USO1: variants seen among roughly 807,000 people sequenced by gnomAD.
USO1 encodes general vesicular transport factor p115.
USO1 carries 57 observed loss-of-function variants against 124.5 expected under a neutral mutation model. The observed-to-expected ratio is 0.46, with a 90% CI of 0.37 to 0.57. The LOEUF (loss-of-function observed/expected upper bound fraction) is 0.57, where lower values mean the gene tolerates loss of function less well. Among genes scored for constraint, USO1 ranks in the 20% least tolerant of loss-of-function variants. The pLI, the probability that USO1 is intolerant of heterozygous loss-of-function variation, is 0.00. For synonymous variants in USO1, 369 were observed against 362.8 expected (o/e 1.02, Z -0.19); for missense variants, 900 against 1,040.6 (o/e 0.86, Z 1.86).
intron 4 of USO1, among the ~76,000 whole-genome samples, chr4:75,763,322 A>G (rs1721676310): frequency 6.6e-6 from 1 of 152,196 alleles, no homozygotes; most frequent in Non-Finnish European, 1.5e-5. Flanking sequence ...ATTCAGTAGA[A>G]TCTATACTTC....
chr4:75,744,168 AGTTT>A (rs1721054930), intron 1 of USO1, among the ~76,000 whole-genome samples: 1 of 152,144 alleles, frequency 6.6e-6, no homozygotes, highest in Non-Finnish European at 1.5e-5. Flanking sequence ...TTCTGAAGTT[AGTTT>A]ATTATAAACC....
At chr4:75,746,326 G>T (rs1320996760) in intron 1 of USO1, among the ~76,000 whole-genome samples, 2 of 152,316 alleles carry the variant, frequency 1.3e-5, no homozygotes, top group East Asian at 3.9e-4. Flanking sequence ...CTGAAAATAG[G>T]ATATAGGTGG....
intron 3 of USO1, among the ~76,000 whole-genome samples, chr4:75,756,324 A>G (rs1406048734): frequency 6.6e-6 from 1 of 152,048 alleles, no homozygotes; most frequent in African/African-American, 2.4e-5. Context: ...AAGAGCAGGA[A>G]AAAAGAAGCA....
In USO1 at chr4:75,790,059, C is replaced by CAA. The variant is rs199899130; in HGVS notation, c.997-82_997-81dup. On this transcript the variant is annotated intron_variant, in intron 10 of 23. Coordinates refer to ENST00000514213, the MANE Select transcript of USO1 (RefSeq NM_003715.4). ...ACTTAAAGTATAATAAAAAAAAAAA[C>CAA]AAAAAAAAAAGATTTTTTTTCTATT... 2.6e-5 allele frequency: 22 copies of CAA among 850,796 alleles called. No individual in the cohort carries two copies. In the African/African-American group the frequency reaches 2.8e-4, roughly 11 times the overall value. 52.7% of individuals were successfully genotyped at this position (850,796 alleles called of 1,614,324 possible).
rs769713680 is a variant in USO1, at chr4:75,806,999, T to C, written c.2376+427T>C. Among the ~76,000 whole-genome samples the C allele has an allele frequency of 2.0e-5, 3 of 152,084 alleles. No individual in the cohort carries two copies. In the East Asian group the frequency reaches 5.8e-4, roughly 29 times the overall value. On this transcript the variant is annotated intron_variant, in intron 20 of 23. Transcript: ENST00000514213. ...ATTGGAAAAGAGAAGAAAGGTAAAC[T>C]TACCTATATCTCAATTAAATGACTC... is the stretch of plus-strand genomic sequence containing the variant.
chr4:75,737,322 C>T (rs923329669), intron 1 of USO1, among the ~76,000 whole-genome samples: 2 of 152,138 alleles, frequency 1.3e-5, no homozygotes, highest in African/African-American at 2.4e-5. Context: ...TAGTAATTGG[C>T]ATAGATACCA....
intron 10 of USO1, 103 bp from the exon 11 acceptor site, chr4:75,790,047 T>TA (rs67037358): frequency 0.085 from 84,929 of 995,638 alleles, 3,198 homozygotes; most frequent in African/African-American, 0.31. Flanking sequence ...TAAAGTATAA[T>TA]AAAAAAAAAA....
intron 1 of USO1, among the ~76,000 whole-genome samples, chr4:75,729,411 C>G (rs1720565717): frequency 6.6e-6 from 1 of 152,082 alleles, no homozygotes; most frequent in African/African-American, 2.4e-5. Flanking sequence ...GTAATCTCGG[C>G]TCACTGCAGC....
Position 75,770,896 on chromosome 4 carries a change from G to A in USO1, c.471G>A (p.Val157=). ...TTTTAAAACAACTAGGGCCTCAGGT[G>A]CAACAAATTATTTTAGTCAGTCCTA... ...TSLLKQLGPQ[V]QQIILVSPMG... The change falls in exon 6 of 24, where the codon GTG becomes GTA. Residue 157 remains valine, a synonymous_variant. Coordinates refer to ENST00000514213, the MANE Select transcript of USO1 (RefSeq NM_003715.4). 2 of 1,613,650 alleles carry A rather than the reference G, an allele frequency of 1.2e-6. No individual in the cohort carries two copies. Among genetic ancestry groups the A allele is most frequent in the Non-Finnish European group, 1.7e-6 (2 of 1,179,780 alleles).
chr4:75,743,846 G>A (rs981853443), intron 1 of USO1, among the ~76,000 whole-genome samples: 25 of 152,058 alleles, frequency 1.6e-4, no homozygotes, highest in Non-Finnish European at 3.4e-4. Flanking sequence ...GCGCGATCTT[G>A]GCTCACTGCA....
At position 75,774,248 on chromosome 4, in the gene USO1, C is replaced by T. The variant is rs181885820; in HGVS notation, c.556-428C>T. ...TACAAGAATTTCTGAACTTTCTCTACTAGACTGTGGTGGTGTTCATTGATT... is the reference window on the plus strand; with the variant it reads ...TACAAGAATTTCTGAACTTTCTCTATTAGACTGTGGTGGTGTTCATTGATT... On this transcript the variant is annotated intron_variant, in intron 7 of 23. Coordinates refer to ENST00000514213, the MANE Select transcript of USO1 (RefSeq NM_003715.4). Among the ~76,000 whole-genome samples the T allele has an allele frequency of 2.6e-5, 4 of 152,268 alleles. No individual in the cohort carries two copies. The East Asian group carries it at 7.7e-4, about 29-fold the overall frequency.
At position 75,794,711 on chromosome 4, in the gene USO1, CCTT is replaced by C. The variant is rs1432677271; in HGVS notation, c.1452+814_1452+816del. Reference sequence around the variant, plus strand: ...ACTCCCCATAATAATGTGGTTGTGTCCTTCTTTAGTTTTAATCCTGCCACACTC... The same window carrying C: ...ACTCCCCATAATAATGTGGTTGTGTCCTTTAGTTTTAATCCTGCCACACTC... On this transcript the variant is annotated intron_variant, in intron 13 of 23. Transcript: ENST00000514213. Among the ~76,000 whole-genome samples the C allele has an allele frequency of 1.1e-4, 17 of 152,246 alleles. No individual in the cohort carries two copies. In the East Asian group the frequency reaches 2.3e-3, roughly 21 times the overall value.
Position 75,770,462 on chromosome 4 carries a change from G to A in USO1, c.319G>A (p.Glu107Lys). Residue 107 changes from glutamate (E) to lysine (K), a missense_variant, in exon 5 of 24, where the codon GAA becomes AAA. By Grantham distance (56) the Glu-to-Lys change is moderately conservative. Around this residue, in one of 2 missense-constraint regions of USO1, gnomAD observed 538 missense variants for 681.6 expected, o/e 0.79. Coordinates refer to ENST00000514213, the MANE Select transcript of USO1 (RefSeq NM_003715.4). ...EVEENSTRQS[E>K]DLGSQFTEIF... ...AGAAGAAAATTCCACAAGACAGAGT[G>A]AAGATTTGGGAAGCCAATTTACAGA... 6.3e-7 allele frequency: 1 copy of A among 1,587,820 alleles called. No homozygotes were observed. Among genetic ancestry groups the A allele is most frequent in the Non-Finnish European group, 8.6e-7 (1 of 1,166,224 alleles).
intron 1 of USO1, among the ~76,000 whole-genome samples, chr4:75,727,944 C>G (rs561799693): frequency 5.1e-4 from 55 of 107,022 alleles, no homozygotes; most frequent in African/African-American, 1.5e-3. Context: ...CTTATTCCTT[C>G]TAGACTCTTA....
rs568453841 is a variant in USO1, at chr4:75,758,730, T to A, written c.295+1157T>A. Reference sequence around the variant, plus strand: ...GAGACCCCATCTCATTTAAAAAAAATTTTTTAAACAAATTTCTCCATGATA... The same window carrying A: ...GAGACCCCATCTCATTTAAAAAAAAATTTTTAAACAAATTTCTCCATGATA... On this transcript the variant is annotated intron_variant, in intron 4 of 23. Transcript: ENST00000514213. 4.5e-4 allele frequency among the ~76,000 whole-genome samples: 69 copies of A among 152,116 alleles called. 1 individual carries two copies. The highest frequency in any genetic ancestry group is 1.2e-3 in the South Asian group (6 of 4,824).
At position 75,813,234 on chromosome 4, in the gene USO1, G is replaced by A. The variant is rs749343905; in HGVS notation, c.2828G>A (p.Gly943Glu). ...GAAGAAGAGGATGAACTTGAATCTG[G>A]AGACCAAGAGGATGAGGATGATGAA... ...PVEEEDELES[G>E]DQEDEDDESE... The change falls in exon 24 of 24, where the codon GGA (glycine) becomes GAA (glutamate). Residue 943 changes from glycine to glutamate, a missense_variant. Coordinates refer to ENST00000514213, the MANE Select transcript of USO1 (RefSeq NM_003715.4). 1.8e-5 allele frequency: 29 copies of A among 1,610,268 alleles called. No individual in the cohort carries two copies. Among genetic ancestry groups the A allele is most frequent in the Middle Eastern group, 1.6e-4 (1 of 6,064 alleles).
intron 1 of USO1, chr4:75,744,996 T>A (rs3853184): frequency 4.6e-6 from 2 of 433,074 alleles, no homozygotes; most frequent in Non-Finnish European, 4.6e-6. Context: ...CTCTTAAATT[T>A]AGGTCTTTCC....
chr4:75,795,166 A>G (rs957389477), intron 13 of USO1, among the ~76,000 whole-genome samples: 3 of 152,204 alleles, frequency 2.0e-5, no homozygotes, highest in African/African-American at 7.2e-5. Flanking sequence ...CTCTAAATGT[A>G]TCCTCTAACT....
At chr4:75,777,746 G>A (rs1035855187) in intron 8 of USO1, among the ~76,000 whole-genome samples, 2 of 152,190 alleles carry the variant, frequency 1.3e-5, no homozygotes, top group Non-Finnish European at 2.9e-5. Flanking sequence ...TGATGGGAAT[G>A]CAAAATGGTA....
Sources: gnomAD v4.1 joint callset for allele counts (sites outside exome capture counted in the v4.1 genomes callset) on GRCh38, gnomAD v4.1.1 for gene constraint, gnomAD v4.1.1 regional missense constraint, MANE v1.5 for transcripts, NCBI Gene and HGNC (gene_info 2026-07-23, HGNC 2026-07-21) for gene names.